SLC35F1: variants seen among roughly 807,000 people sequenced by gnomAD.
SLC35F1 encodes the protein chromosome 6 open reading frame 169.
SLC35F1 carries 14 observed loss-of-function variants against 48.7 expected under a neutral mutation model. The observed-to-expected ratio is 0.29, with a 90% CI of 0.19 to 0.45. The LOEUF (loss-of-function observed/expected upper bound fraction) is 0.45, where lower values mean the gene tolerates loss of function less well. Ranked by LOEUF, SLC35F1 falls within the 20% of genes least tolerant of loss-of-function variation. The pLI is 1.00. For missense variants in SLC35F1, 404 were observed against 500.0 expected (o/e 0.81, Z 1.83); for synonymous variants, 190 against 202.2 (o/e 0.94, Z 0.51).
intron 1 of SLC35F1, among the ~76,000 whole-genome samples, chr6:118,091,445 C>G (rs1773071923): frequency 6.6e-6 from 1 of 152,136 alleles, no homozygotes; most frequent in Non-Finnish European, 1.5e-5. Flanking sequence ...GGGCAGTTCC[C>G]CTGCACACAC....
chr6:118,264,086 A>G (rs1439677176), intron 3 of SLC35F1, among the ~76,000 whole-genome samples: 1 of 152,244 alleles, frequency 6.6e-6, no homozygotes, highest in African/African-American at 2.4e-5. Flanking sequence ...CTCAACTATT[A>G]AATACAAGGG....
At chr6:118,011,297 AG>A in intron 1 of SLC35F1, among the ~76,000 whole-genome samples, 1 of 152,330 alleles carries the variant, frequency 6.6e-6, no homozygotes, top group East Asian at 1.9e-4. Context: ...CAGGCTGTAC[AG>A]GAAGCATGGT....
chr6:118,273,865 G>T (rs1183650108), intron 4 of SLC35F1, among the ~76,000 whole-genome samples: 1 of 152,160 alleles, frequency 6.6e-6, no homozygotes, highest in Non-Finnish European at 1.5e-5. Flanking sequence ...CCAGCACAAT[G>T]CTGCCTTCAG....
At chr6:117,970,535 C>T (rs1776624897) in intron 1 of SLC35F1, among the ~76,000 whole-genome samples, 1 of 152,180 alleles carries the variant, frequency 6.6e-6, no homozygotes, top group African/African-American at 2.4e-5. Context: ...ACCACCACTA[C>T]CTGGTGCCAC....
intron 2 of SLC35F1, among the ~76,000 whole-genome samples, chr6:118,196,024 A>G (rs926369933): frequency 1.3e-5 from 2 of 152,248 alleles, no homozygotes; most frequent in African/African-American, 4.8e-5. Context: ...GGCAGCCCCC[A>G]GAATCGCAGC....
chr6:117,916,338 T>A (rs1406847762), intron 1 of SLC35F1, among the ~76,000 whole-genome samples: 1 of 152,232 alleles, frequency 6.6e-6, no homozygotes, highest in Admixed American at 6.5e-5. Flanking sequence ...CTTCTATGAA[T>A]TGTTAAAAAA....
intron 1 of SLC35F1, among the ~76,000 whole-genome samples, chr6:118,071,224 A>C (rs918598556): frequency 6.7e-6 from 1 of 148,922 alleles, no homozygotes; most frequent in Non-Finnish European, 1.5e-5. Flanking sequence ...CTATGTGTAT[A>C]TATTTTTGAA....
intron 6 of SLC35F1, among the ~76,000 whole-genome samples, chr6:118,283,388 C>A (rs1056210746): frequency 1.3e-5 from 2 of 152,174 alleles, no homozygotes; most frequent in Non-Finnish European, 2.9e-5. Flanking sequence ...TCTTGTCTAT[C>A]CTGTTTTTCA....
intron 1 of SLC35F1, among the ~76,000 whole-genome samples, chr6:118,099,912 G>C (rs1323879972): frequency 6.6e-6 from 1 of 152,120 alleles, no homozygotes; most frequent in Non-Finnish European, 1.5e-5. Context: ...TTAAAGAAGA[G>C]ATAAAATACA....
intron 1 of SLC35F1, among the ~76,000 whole-genome samples, chr6:118,107,243 T>C (rs1369950964): frequency 6.6e-6 from 1 of 152,184 alleles, no homozygotes; most frequent in East Asian, 1.9e-4. Context: ...TAAGTCTGTG[T>C]CTTTTCAAAG....
At chr6:118,175,041 A>G (rs932285276) in intron 2 of SLC35F1, among the ~76,000 whole-genome samples, 4 of 152,132 alleles carry the variant, frequency 2.6e-5, no homozygotes, top group Non-Finnish European at 4.4e-5. Flanking sequence ...GCTTTCAGCC[A>G]CTTTCCACCC....
rs1776423898 is a variant in SLC35F1, at chr6:118,315,567, G to C, written c.*1315G>C. ...CCATTCTCCTGCCTCAGCCTCCCGA[G>C]TAGCTGGGACTACAGGCACCTGCCA... On this transcript the variant is annotated 3_prime_UTR_variant, in exon 8 of 8. Coordinates refer to ENST00000360388, the MANE Select transcript of SLC35F1 (RefSeq NM_001029858.4). 1 of 151,082 alleles carries C rather than the reference G, an allele frequency of 6.6e-6. No individual in the cohort carries two copies. Among genetic ancestry groups the C allele is most frequent in the South Asian group, 2.1e-4 (1 of 4,780 alleles). The allele number at this position is 151,082 out of a possible 1,614,324, so 9.4% of individuals were successfully genotyped here.
Position 118,093,087 on chromosome 6 carries a change from G to T in SLC35F1, c.174-61358G>T, listed in dbSNP as rs149533699. Among the ~76,000 whole-genome samples the T allele has an allele frequency of 4.6e-3, 693 of 152,284 alleles. 5 individuals are homozygous for T. Among genetic ancestry groups the T allele is most frequent in the African/African-American group, 0.015 (636 of 41,570 alleles). On this transcript the variant is annotated intron_variant, in intron 1 of 7. Coordinates refer to ENST00000360388, the MANE Select transcript of SLC35F1 (RefSeq NM_001029858.4). Reference sequence around the variant, plus strand: ...AATCCCAGCACTTTGGGAGGCAGAGGCGGGTGGATCATGAGGTCAGTGGTT... The same window carrying T: ...AATCCCAGCACTTTGGGAGGCAGAGTCGGGTGGATCATGAGGTCAGTGGTT...
chr6:118,252,637 G>T (rs1303652274), intron 3 of SLC35F1, among the ~76,000 whole-genome samples: 1 of 152,128 alleles, frequency 6.6e-6, no homozygotes. Context: ...GAATGTGGAT[G>T]TCATTCTCAT....
intron 7 of SLC35F1, among the ~76,000 whole-genome samples, chr6:118,300,839 C>T (rs577152171): frequency 6.6e-6 from 1 of 152,220 alleles, no homozygotes; most frequent in East Asian, 1.9e-4. Flanking sequence ...TACATTATAA[C>T]CATTCTGTGA....
chr6:118,148,281 A>G (rs960611185), intron 1 of SLC35F1, among the ~76,000 whole-genome samples: 24 of 152,248 alleles, frequency 1.6e-4, no homozygotes, highest in African/African-American at 5.8e-4. Context: ...AAAGAATTAC[A>G]AGCAATATGA....
At chr6:118,235,388 A>T (rs1233764799) in intron 2 of SLC35F1, 121 bp from the exon 3 acceptor site, 3 of 959,570 alleles carry the variant, frequency 3.1e-6, no homozygotes, top group African/African-American at 1.7e-5. Context: ...TTATTTGTTT[A>T]AATATTTGGT....
At chr6:118,168,972 G>C (rs2114492157) in intron 2 of SLC35F1, among the ~76,000 whole-genome samples, 1 of 152,288 alleles carries the variant, frequency 6.6e-6, no homozygotes, top group East Asian at 1.9e-4. Context: ...AGAGGGGCAG[G>C]AAGAGAGAGC....
At chr6:117,977,187 C>T (rs1401488973) in intron 1 of SLC35F1, among the ~76,000 whole-genome samples, 2 of 149,086 alleles carry the variant, frequency 1.3e-5, no homozygotes, top group East Asian at 4.0e-4. Context: ...TTTTCTTTTT[C>T]TTTTTCTTTC....
Sources: gnomAD v4.1 joint callset for allele counts (sites outside exome capture counted in the v4.1 genomes callset) on GRCh38, gnomAD v4.1.1 for gene constraint, MANE v1.5 for transcripts, NCBI Gene and HGNC (gene_info 2026-07-23, HGNC 2026-07-21) for gene names.